The following MARCHF7 variants were observed in gnomAD, a reference collection of about 807,000 sequenced individuals.
MARCHF7 encodes the protein membrane associated ring-CH-type finger 7.
A neutral mutation model predicts 76.5 loss-of-function variants in MARCHF7; 20 were observed. The ratio of observed to expected loss-of-function variants is 0.26; its 90% CI spans 0.18 to 0.38. The LOEUF (loss-of-function observed/expected upper bound fraction) is 0.38, where lower values mean the gene tolerates loss of function less well. Ranked by LOEUF, MARCHF7 falls within the 10% of genes least tolerant of loss-of-function variation. The pLI is 1.00. For missense variants in MARCHF7, 797 were observed against 812.9 expected, an observed-to-expected ratio of 0.98 and a Z score of 0.24; for synonymous variants, 295 against 293.0, an observed-to-expected ratio of 1.01 and a Z score of -0.07.
Position 159,759,082 on chromosome 2 carries a change from T to A in MARCHF7, c.1784-144T>A, listed in dbSNP as rs879149820. On this transcript the variant is annotated intron_variant, in intron 8 of 11. Transcript: ENST00000409175. ...AGACTGCTGTATTAGGGGACATTAC[T>A]GGTTTACTGCAGAAATGTAATATTT... The A allele has an allele frequency of 7.1e-6, 4 of 562,632 alleles. No homozygotes were observed. The South Asian group carries it at 8.6e-5, about 12-fold the overall frequency. The allele number at this position is 562,632 out of a possible 1,614,324, so 34.9% of individuals were successfully genotyped here.
chr2:159,745,808 T>C lies in MARCHF7; in HGVS notation c.385T>C (p.Ser129Pro). The change falls in exon 6 of 12, where the codon TCA (serine) becomes CCA (proline). Residue 129 changes from serine (S) to proline (P), a missense_variant. Transcript: ENST00000409175. ...GCATAGTCAAGTTCCTAGATCTTCA[T>C]CAATGGTACTTGGATCATTTGGAAC... The part of the protein sequence containing the change: ...WRHSQVPRSS[S>P]MVLGSFGTDL... 6.2e-7 allele frequency: 1 copy of C among 1,610,794 alleles called. No homozygotes were observed. Among genetic ancestry groups the C allele is most frequent in the Middle Eastern group, 1.7e-4 (1 of 6,052 alleles).
intron 7 of MARCHF7, 50 bp from the exon 8 acceptor site, chr2:159,752,352 C>A: frequency 1.4e-6 from 2 of 1,460,426 alleles, no homozygotes; most frequent in Non-Finnish European, 9.1e-7. Context: ...ACTGAAGTAA[C>A]CAACCAGGAT....
chr2:159,745,692 C>A, intron 5 of MARCHF7, 78 bp from the exon 6 acceptor site: 1 of 902,608 alleles, frequency 1.1e-6, no homozygotes, highest in African/African-American at 1.7e-5. Flanking sequence ...ACTAACTTTC[C>A]TCTCTATTAC....
intron 5 of MARCHF7, among the ~76,000 whole-genome samples, chr2:159,744,396 A>G (rs1328312689): frequency 1.3e-5 from 2 of 152,192 alleles, no homozygotes; most frequent in Admixed American, 6.5e-5. Flanking sequence ...TGGTCTATCC[A>G]TAAAGCTTCA....
chr2:159,752,854 T>G (rs906760313), intron 8 of MARCHF7, among the ~76,000 whole-genome samples: 2 of 152,218 alleles, frequency 1.3e-5, no homozygotes, highest in Non-Finnish European at 2.9e-5. Flanking sequence ...GGAAGATCCT[T>G]TTGAATCAAG....
chr2:159,748,978 CT>C (rs1244353725), intron 7 of MARCHF7, 75 bp downstream of exon 7: 4,681 of 774,158 alleles, frequency 6.0e-3, no homozygotes, highest in East Asian at 0.021. Flanking sequence ...TTTTTCTTTT[CT>C]TTTTTTTTTT....
rs1441246113 is a variant in MARCHF7, at chr2:159,743,986, TTTTTTTTTTTTTTTTTTTG to T, written c.346+734_346+752del. Among the ~76,000 whole-genome samples the T allele has an allele frequency of 1.1e-4, 4 of 36,298 alleles. No homozygotes were observed. The South Asian group carries it at 2.8e-3, about 26-fold the overall frequency. The allele number at this position is 36,298 out of a possible 152,430, so 23.8% of individuals were successfully genotyped here. A position where few individuals can be genotyped will look rare whatever the true frequency, so the allele number is the denominator to read the frequency against. ...TTTAGTAGGAGTTCTTTTTTTTTTT[TTTTTTTTTTTTTTTTTTTG>T]GAGACGGAGTCTCGCTCTGTCGCCC... On this transcript the variant is annotated intron_variant, in intron 5 of 11. Transcript: ENST00000409175.
intron 8 of MARCHF7, among the ~76,000 whole-genome samples, chr2:159,758,749 G>A (rs1249158017): frequency 6.6e-6 from 1 of 152,212 alleles, no homozygotes; most frequent in Non-Finnish European, 1.5e-5. Flanking sequence ...TAGCAAGTAA[G>A]GCAGACATAT....
intron 11 of MARCHF7, 49 bp downstream of exon 11, chr2:159,764,723 T>C (rs754000449): frequency 6.6e-7 from 1 of 1,505,124 alleles, no homozygotes; most frequent in Non-Finnish European, 9.1e-7. Context: ...CTTTTGCAAA[T>C]TAAACCCAAA....
chr2:159,745,159 G>A (rs1047877284), intron 5 of MARCHF7, among the ~76,000 whole-genome samples: 1 of 152,076 alleles, frequency 6.6e-6, no homozygotes, highest in Non-Finnish European at 1.5e-5. Flanking sequence ...TTCTGTAATC[G>A]TTTTACATAA....
intron 3 of MARCHF7, among the ~76,000 whole-genome samples, chr2:159,727,113 C>A (rs1283543286): frequency 6.6e-6 from 1 of 151,960 alleles, no homozygotes; most frequent in Non-Finnish European, 1.5e-5. Context: ...GCATACAATA[C>A]AATAATATTC....
intron 4 of MARCHF7, among the ~76,000 whole-genome samples, chr2:159,739,039 G>T (rs905549653): frequency 6.6e-6 from 1 of 152,170 alleles, no homozygotes; most frequent in African/African-American, 2.4e-5. Context: ...CCAAGCATGC[G>T]CATACACACC....
rs1337498436 is a variant in MARCHF7, at chr2:159,748,228, A to G, written c.938A>G (p.Asn313Ser). ...SLNTRSLNSENSYVSPRILTA... is the reference protein window; with the variant it reads ...SLNTRSLNSESSYVSPRILTA... Reference sequence around the variant, plus strand: ...AATACAAGATCATTGAATTCTGAAAATTCTTACGTTTCTCCAAGAATCTTG... The same window carrying G: ...AATACAAGATCATTGAATTCTGAAAGTTCTTACGTTTCTCCAAGAATCTTG... The change falls in exon 7 of 12, where the codon AAT (asparagine) becomes AGT (serine). Residue 313 changes from asparagine (N) to serine (S), a missense_variant. Asn to Ser is a conservative substitution (Grantham distance 46, BLOSUM62 1). Transcript: ENST00000409175. The G allele has an allele frequency of 1.2e-5, 19 of 1,613,832 alleles. No homozygotes were observed. The highest frequency in any genetic ancestry group is 1.6e-5 in the Non-Finnish European group (19 of 1,180,030).
intron 1 of MARCHF7, among the ~76,000 whole-genome samples, chr2:159,713,348 A>C (rs992638535): frequency 2.0e-5 from 3 of 152,178 alleles, no homozygotes; most frequent in Non-Finnish European, 4.4e-5. Flanking sequence ...CCTCACCCCA[A>C]AATGCTGCAC....
intron 3 of MARCHF7, among the ~76,000 whole-genome samples, chr2:159,722,536 A>G (rs1233043774): frequency 1.3e-5 from 2 of 152,188 alleles, no homozygotes; most frequent in Non-Finnish European, 2.9e-5. Flanking sequence ...ACCATCTCAG[A>G]ACGTTTAGTG....
At chr2:159,738,183 G>T (rs555532179) in intron 4 of MARCHF7, among the ~76,000 whole-genome samples, 1 of 152,316 alleles carries the variant, frequency 6.6e-6, no homozygotes, top group South Asian at 2.1e-4. Context: ...GATGGATCAG[G>T]TGTACCACAG....
At chr2:159,738,350 G>A (rs1029902924) in intron 4 of MARCHF7, among the ~76,000 whole-genome samples, 11 of 152,184 alleles carry the variant, frequency 7.2e-5, no homozygotes, top group Admixed American at 5.2e-4. Flanking sequence ...CCTTGTCGCC[G>A]GCAGCATGGT....
chr2:159,724,906 C>T (rs1701997908), intron 3 of MARCHF7, among the ~76,000 whole-genome samples: 1 of 152,108 alleles, frequency 6.6e-6, no homozygotes, highest in African/African-American at 2.4e-5. Flanking sequence ...TGTTCAGTTC[C>T]CACCCATGAG....
intron 4 of MARCHF7, among the ~76,000 whole-genome samples, chr2:159,742,713 C>A (rs1037173724): frequency 6.6e-6 from 1 of 152,050 alleles, no homozygotes; most frequent in East Asian, 1.9e-4. Flanking sequence ...CCGAGGCAGG[C>A]AGATCATGAG....
Sources: allele counts gnomAD v4.1 joint callset (sites outside exome capture counted in the v4.1 genomes callset), GRCh38; gene constraint gnomAD v4.1.1; transcripts MANE v1.5; gene names NCBI Gene and HGNC (gene_info 2026-07-23, HGNC 2026-07-21).